The following ASTN2 variants were observed in gnomAD, a reference collection of about 807,000 sequenced individuals.
ASTN2 encodes astrotactin-2.
Under a neutral mutation model 139.8 loss-of-function variants are expected in ASTN2, and 54 were observed. The observed-to-expected ratio is 0.39, with a 90% CI of 0.31 to 0.48. The LOEUF (loss-of-function observed/expected upper bound fraction) is 0.48. Ranked by LOEUF, ASTN2 falls within the 20% of genes least tolerant of loss-of-function variation. The probability of loss-of-function intolerance (pLI) is 0.95; values close to 1 mark genes in which losing one functional copy is unlikely to be tolerated. For missense variants in ASTN2, 1,565 were observed against 1,725.1 expected, an observed-to-expected ratio of 0.91 and a Z score of 1.64; for synonymous variants, 756 against 719.5, an observed-to-expected ratio of 1.05 and a Z score of -0.81.
chr9:117,321,577 C>T (rs890551334), intron 1 of ASTN2, among the ~76,000 whole-genome samples: 2 of 152,176 alleles, frequency 1.3e-5, no homozygotes, highest in African/African-American at 4.8e-5. Context: ...AGTTCACTGT[C>T]ATGCATCTCC....
chr9:117,344,583 G>C lies in ASTN2; in HGVS notation c.443-53070C>G, dbSNP rs118060294. ...ACAACCTATGCGCACACACCCCATA[G>C]AGTGACACAGAATCATGGACAACAT... On this transcript the variant is annotated intron_variant, in intron 1 of 22. Transcript: ENST00000313400. Among the ~76,000 whole-genome samples, 25 of 152,288 alleles carry C rather than the reference G, an allele frequency of 1.6e-4. No homozygotes were observed. In the East Asian group the frequency reaches 4.8e-3, roughly 29 times the overall value.
chr9:117,110,140 CT>C (rs1829214792), intron 4 of ASTN2, among the ~76,000 whole-genome samples: 1 of 151,956 alleles, frequency 6.6e-6, no homozygotes, highest in Non-Finnish European at 1.5e-5. Flanking sequence ...TTATTTCTTG[CT>C]TTAATAATAT....
chr9:116,531,325 T>A (rs993685475), intron 19 of ASTN2, among the ~76,000 whole-genome samples: 3 of 152,200 alleles, frequency 2.0e-5, no homozygotes, highest in African/African-American at 7.2e-5. Flanking sequence ...AATTCTAAAG[T>A]TCTTTTGACA....
intron 13 of ASTN2, among the ~76,000 whole-genome samples, chr9:116,778,115 G>T (rs868224501): frequency 2.0e-5 from 3 of 152,082 alleles, no homozygotes; most frequent in African/African-American, 7.2e-5. Context: ...AAAGTGCTGG[G>T]AGTACCATGC....
intron 17 of ASTN2, among the ~76,000 whole-genome samples, chr9:116,637,018 G>A (rs967628360): frequency 3.3e-5 from 5 of 152,194 alleles, no homozygotes; most frequent in African/African-American, 4.8e-5. Flanking sequence ...GCAGCACCAA[G>A]GTGCCATCTT....
At chr9:117,105,579 T>C (rs1829082887) in intron 4 of ASTN2, among the ~76,000 whole-genome samples, 1 of 152,156 alleles carries the variant, frequency 6.6e-6, no homozygotes, top group African/African-American at 2.4e-5. Flanking sequence ...CTGGAATCCG[T>C]GAGTATAAGA....
chr9:116,892,554 A>G (rs1259714296), intron 10 of ASTN2, among the ~76,000 whole-genome samples: 1 of 152,114 alleles, frequency 6.6e-6, no homozygotes, highest in East Asian at 1.9e-4. Context: ...GATGAAGCCA[A>G]GCTGGTCCCG....
intron 1 of ASTN2, among the ~76,000 whole-genome samples, chr9:117,310,887 T>C (rs980566512): frequency 6.6e-6 from 1 of 152,160 alleles, no homozygotes; most frequent in Non-Finnish European, 1.5e-5. Context: ...GTTTCCCAAA[T>C]TGCTTACAGG....
intron 19 of ASTN2, among the ~76,000 whole-genome samples, chr9:116,538,980 T>C (rs1587964654): frequency 6.6e-6 from 1 of 152,092 alleles, no homozygotes; most frequent in South Asian, 2.1e-4. Flanking sequence ...ACACCAGAAA[T>C]AATAATGGAG....
At chr9:117,232,925 G>A (rs1832940750) in intron 2 of ASTN2, among the ~76,000 whole-genome samples, 3 of 148,734 alleles carry the variant, frequency 2.0e-5, no homozygotes, top group African/African-American at 7.5e-5. Flanking sequence ...CATTCATCAT[G>A]TTTGGTAATC....
At chr9:116,882,599 G>A (rs1275522433) in intron 10 of ASTN2, among the ~76,000 whole-genome samples, 2 of 152,060 alleles carry the variant, frequency 1.3e-5, no homozygotes, top group South Asian at 2.1e-4. Flanking sequence ...GTGAGGTGGT[G>A]GAAATGAAAA....
At chr9:117,079,266 G>C (rs969235846) in intron 5 of ASTN2, among the ~76,000 whole-genome samples, 4 of 152,120 alleles carry the variant, frequency 2.6e-5, no homozygotes, top group African/African-American at 7.2e-5. Flanking sequence ...TGGGGAAGGA[G>C]GATTGCCTGA....
intron 11 of ASTN2, among the ~76,000 whole-genome samples, chr9:116,832,159 A>C (rs975938590): frequency 7.9e-5 from 12 of 152,180 alleles, no homozygotes; most frequent in Non-Finnish European, 1.5e-4. Context: ...GCTAGTATAT[A>C]GGAATACAAT....
rs59564628 is a variant in ASTN2, at chr9:117,016,656, A to ATATAGGTTATATATATATGTT, written c.1424-8398_1424-8397insAACATATATATATAACCTATA. 4.5e-4 allele frequency among the ~76,000 whole-genome samples: 12 copies of ATATAGGTTATATATATATGTT among 26,812 alleles called. 1 individual carries two copies. Among genetic ancestry groups the ATATAGGTTATATATATATGTT allele is most frequent in the African/African-American group, 1.4e-3 (11 of 7,980 alleles). 17.6% of individuals were successfully genotyped at this position (26,812 alleles called of 152,430 possible). A position where few individuals can be genotyped will look rare whatever the true frequency, so the allele number is the denominator to read the frequency against. On this transcript the variant is annotated intron_variant, in intron 6 of 22. Transcript: ENST00000313400. ...TATATATATATATATATATATATAT[A>ATATAGGTTATATATATATGTT]ACCTATATATATGTTACATATATAT...
At chr9:116,735,173 T>C (rs757608397) in intron 13 of ASTN2, among the ~76,000 whole-genome samples, 3 of 152,170 alleles carry the variant, frequency 2.0e-5, no homozygotes, top group Non-Finnish European at 2.9e-5. Flanking sequence ...ATGGTGAGTT[T>C]TAAGGCCCAC....
chr9:116,520,026 C>G (rs1031641825), intron 19 of ASTN2, among the ~76,000 whole-genome samples: 5 of 151,990 alleles, frequency 3.3e-5, no homozygotes, highest in African/African-American at 1.2e-4. Flanking sequence ...AAACTACCAA[C>G]AAGAAATAGT....
chr9:117,168,005 A>T (rs1343363636), intron 3 of ASTN2, among the ~76,000 whole-genome samples: 2 of 152,156 alleles, frequency 1.3e-5, no homozygotes, highest in African/African-American at 4.8e-5. Flanking sequence ...GGGCAGTATG[A>T]TGGGGTAGAG....
chr9:117,276,963 A>G (rs1834206018), intron 2 of ASTN2: 1 of 152,176 alleles, frequency 6.6e-6, no homozygotes, highest in Non-Finnish European at 1.5e-5. Context: ...TTTCCCCCTA[A>G]TGGTTTCGAT....
At chr9:116,453,406 A>T (rs1235697440) in intron 20 of ASTN2, among the ~76,000 whole-genome samples, 3 of 151,604 alleles carry the variant, frequency 2.0e-5, no homozygotes, top group Non-Finnish European at 2.9e-5. Flanking sequence ...ATCCTGGCTA[A>T]CACGGTGAAA....
Sources: allele counts gnomAD v4.1 joint callset (sites outside exome capture counted in the v4.1 genomes callset), GRCh38; gene constraint gnomAD v4.1.1; transcripts MANE v1.5; gene names NCBI Gene and HGNC (gene_info 2026-07-23, HGNC 2026-07-21).